The following MIS18A variants were observed in gnomAD, a reference collection of about 807,000 sequenced individuals.
MIS18A encodes protein Mis18-alpha.
MIS18A carries 14 observed loss-of-function variants against 25.0 expected under a neutral mutation model. The observed-to-expected ratio is 0.56, with a 90% CI of 0.37 to 0.88. The LOEUF (loss-of-function observed/expected upper bound fraction) is 0.88, where lower values mean the gene tolerates loss of function less well. MIS18A is among the 40% of genes least tolerant of loss of function. MIS18A has a pLI of 0.00. For missense variants in MIS18A, 292 were observed against 290.8 expected, an observed-to-expected ratio of 1.00 and a Z score of -0.03; for synonymous variants, 134 against 118.6, an observed-to-expected ratio of 1.13 and a Z score of -0.84.
downstream of MIS18A, among the ~76,000 whole-genome samples, chr21:32,266,543 G>T (rs12626728): frequency 6.6e-6 from 1 of 152,010 alleles, no homozygotes; most frequent in African/African-American, 2.4e-5. Context: ...CTTCACTCCT[G>T]AGCCCAGTGA....
the MIS18A span, among the ~76,000 whole-genome samples, chr21:32,156,206 A>G: frequency 1.3e-5 from 2 of 152,238 alleles, no homozygotes; most frequent in Non-Finnish European, 2.9e-5. Context: ...GGAATTTAGC[A>G]GCTCCTTACA....
chr21:32,162,759 G>A, the MIS18A span, among the ~76,000 whole-genome samples: 5 of 152,192 alleles, frequency 3.3e-5, no homozygotes, highest in Non-Finnish European at 7.3e-5. Context: ...AAATATGGAA[G>A]AGTATATAAC....
At chr21:32,215,301 A>G in the MIS18A span, among the ~76,000 whole-genome samples, 1 of 152,198 alleles carries the variant, frequency 6.6e-6, no homozygotes, top group Non-Finnish European at 1.5e-5. Context: ...TGTCTGAGCC[A>G]AATTGTTTTT....
chr21:32,170,920 C>G, the MIS18A span, among the ~76,000 whole-genome samples: 1 of 151,884 alleles, frequency 6.6e-6, no homozygotes, highest in Admixed American at 6.6e-5. Flanking sequence ...AAAAAGCATT[C>G]GACAAAATCC....
At chr21:32,174,312 T>C in the MIS18A span, among the ~76,000 whole-genome samples, 2 of 152,278 alleles carry the variant, frequency 1.3e-5, no homozygotes, top group African/African-American at 4.8e-5. Flanking sequence ...TGCATGCTGC[T>C]TATAAGATGC....
chr21:32,250,096 T>C, the MIS18A span, among the ~76,000 whole-genome samples: 9 of 152,208 alleles, frequency 5.9e-5, no homozygotes, highest in African/African-American at 2.2e-4. Context: ...CGTGGCACTA[T>C]GCCCAGCCCA....
At chr21:32,242,036 G>C in the MIS18A span, among the ~76,000 whole-genome samples, 1 of 152,250 alleles carries the variant, frequency 6.6e-6, no homozygotes, top group Non-Finnish European at 1.5e-5. Flanking sequence ...CCGCCACCAC[G>C]CCCGGCTATA....
In MIS18A at chr21:32,268,954, A is replaced by G; in HGVS notation, c.*83T>C. 2.4e-6 allele frequency: 2 copies of G among 837,646 alleles called. No individual in the cohort carries two copies. Among genetic ancestry groups the G allele is most frequent in the African/African-American group, 1.9e-5 (1 of 51,486 alleles). 51.9% of individuals were successfully genotyped at this position (837,646 alleles called of 1,614,324 possible). A position where few individuals can be genotyped will look rare whatever the true frequency, so the allele number is the denominator to read the frequency against. ...ATTTTTTTTTTCTTTTTTTTTTTGTAGAGACGACGTCTCACTATGTTGCTT... is the reference window on the plus strand; with the variant it reads ...ATTTTTTTTTTCTTTTTTTTTTTGTGGAGACGACGTCTCACTATGTTGCTT... On this transcript the variant is annotated 3_prime_UTR_variant, in exon 5 of 5. Transcript: ENST00000290130.
At chr21:32,205,230 G>A in the MIS18A span, among the ~76,000 whole-genome samples, 1 of 147,668 alleles carries the variant, frequency 6.8e-6, no homozygotes, top group South Asian at 2.2e-4. Context: ...TCAGCCTCCT[G>A]AGTAGCTGGG....
At chr21:32,191,003 G>A in the MIS18A span, among the ~76,000 whole-genome samples, 1 of 152,208 alleles carries the variant, frequency 6.6e-6, no homozygotes, top group African/African-American at 2.4e-5. Flanking sequence ...CAAAAGATGT[G>A]CAGAAAGAAG....
chr21:32,190,862 T>C, the MIS18A span, among the ~76,000 whole-genome samples: 1 of 152,356 alleles, frequency 6.6e-6, no homozygotes, highest in South Asian at 2.1e-4. Flanking sequence ...CTCCTGCTCC[T>C]GGACACTTCG....
At chr21:32,156,288 T>C in the MIS18A span, 4 of 152,226 alleles carry the variant, frequency 2.6e-5, no homozygotes, top group Non-Finnish European at 5.9e-5. Flanking sequence ...TATTTTATTA[T>C]GGAACTTTTT....
At chr21:32,217,745 C>T in the MIS18A span, among the ~76,000 whole-genome samples, 2 of 151,968 alleles carry the variant, frequency 1.3e-5, no homozygotes, top group Non-Finnish European at 2.9e-5. Flanking sequence ...TATAAGGGAT[C>T]CTCAAGAATG....
chr21:32,247,777 C>T, the MIS18A span, among the ~76,000 whole-genome samples: 13 of 152,260 alleles, frequency 8.5e-5, no homozygotes, highest in Non-Finnish European at 1.5e-4. Flanking sequence ...CAACTCTGCC[C>T]GCACCTCGAT....
the MIS18A span, among the ~76,000 whole-genome samples, chr21:32,170,062 C>T: frequency 6.6e-6 from 1 of 152,010 alleles, no homozygotes. Flanking sequence ...ACTTGCTAGA[C>T]AAATACTTTA....
chr21:32,270,455 A>G lies in MIS18A; in HGVS notation c.476T>C (p.Leu159Pro), dbSNP rs370382505. ...GCAAAACAAGTCTCTCTTGTAATCA[A>G]GATTCTTGGGCGTGCATCTGTACAC... The part of the protein sequence containing the change: ...GYVYRCTPKN[L>P]DYKRDLFCLS... The change falls in exon 3 of 5, where the codon CTT becomes CCT. Residue 159 changes from leucine to proline, a missense_variant. Leu to Pro is a moderately conservative substitution (Grantham distance 98). Coordinates refer to ENST00000290130, the MANE Select transcript of MIS18A (RefSeq NM_018944.3). 6.8e-6 allele frequency: 11 copies of G among 1,613,664 alleles called. No individual in the cohort carries two copies. Among genetic ancestry groups the G allele is most frequent in the Non-Finnish European group, 9.3e-6 (11 of 1,179,888 alleles).
At chr21:32,173,256 C>A in the MIS18A span, among the ~76,000 whole-genome samples, 34 of 152,200 alleles carry the variant, frequency 2.2e-4, no homozygotes, top group East Asian at 6.6e-3. Flanking sequence ...CAATAAGATA[C>A]CACTTATTAG....
At chr21:32,220,296 T>G in the MIS18A span, among the ~76,000 whole-genome samples, 1 of 152,230 alleles carries the variant, frequency 6.6e-6, no homozygotes, top group African/African-American at 2.4e-5. Context: ...CAGCAATCTT[T>G]GCTGTTCTGC....
the MIS18A span, chr21:32,197,808 G>A: frequency 1.3e-5 from 2 of 152,132 alleles, no homozygotes; most frequent in African/African-American, 2.4e-5. Context: ...CAGACACAGA[G>A]CTGTTTTCTC....
Sources: gnomAD v4.1 joint callset for allele counts (sites outside exome capture counted in the v4.1 genomes callset) on GRCh38, gnomAD v4.1.1 for gene constraint, MANE v1.5 for transcripts, NCBI Gene and HGNC (gene_info 2026-07-23, HGNC 2026-07-21) for gene names.